CNIH3: variants seen among roughly 807,000 people sequenced by gnomAD.
CNIH3 encodes the protein cornichon family AMPA receptor auxiliary protein 3.
A neutral mutation model predicts 24.1 loss-of-function variants in CNIH3; 14 were observed. The observed-to-expected ratio is 0.58, with a 90% CI of 0.38 to 0.91. CNIH3 has a LOEUF of 0.91. Among genes scored for constraint, CNIH3 ranks in the 40% least tolerant of loss-of-function variants. The pLI, the probability that CNIH3 is intolerant of heterozygous loss-of-function variation, is 0.00. For missense variants in CNIH3, 178 were observed against 196.8 expected (o/e 0.90, Z 0.57); for synonymous variants, 68 against 73.8 (o/e 0.92, Z 0.40).
intron 1 of CNIH3, among the ~76,000 whole-genome samples, chr1:224,448,256 A>AC (rs11426515): frequency 0.28 from 42,809 of 151,980 alleles, 7,504 homozygotes; most frequent in African/African-American, 0.49. Context: ...ACACAAAAAA[A>AC]ATCAGAAATA....
At chr1:224,614,936 CAAAT>C (rs56329135), upstream of CNIH3, among the ~76,000 whole-genome samples, 27,623 of 146,516 alleles carry the variant, frequency 0.19, 2,677 homozygotes, top group East Asian at 0.28. Context: ...GAGACTCCGT[CAAAT>C]AAATAAATAA....
At chr1:224,642,081 A>G (rs956346057) in intron 1 of CNIH3, among the ~76,000 whole-genome samples, 3 of 152,216 alleles carry the variant, frequency 2.0e-5, no homozygotes, top group Admixed American at 1.3e-4. Flanking sequence ...GATTTGTTAC[A>G]TGGTATTTTA....
chr1:224,594,737 C>T (rs928645410), intron 3 of CNIH3, among the ~76,000 whole-genome samples: 8 of 152,186 alleles, frequency 5.3e-5, no homozygotes, highest in Non-Finnish European at 8.8e-5. Context: ...TGCCTGGTAC[C>T]TGGCTCTGGG....
chr1:224,538,591 C>G (rs1007739250), downstream of CNIH3, among the ~76,000 whole-genome samples: 1 of 151,998 alleles, frequency 6.6e-6, no homozygotes, highest in Non-Finnish European at 1.5e-5. Context: ...ACATCGGCCT[C>G]TTTACTACAT....
At chr1:224,522,175 T>C (rs1009000672) in intron 2 of CNIH3, among the ~76,000 whole-genome samples, 1 of 152,032 alleles carries the variant, frequency 6.6e-6, no homozygotes, top group African/African-American at 2.4e-5. Context: ...TGAGTTCCTA[T>C]GAGAAAAAGA....
rs1436019315 is a variant in CNIH3 at position 224,681,118 on chromosome 1, C to A, written c.150+92C>A. On this transcript the variant is annotated intron_variant, in intron 2 of 5. Transcript: ENST00000272133. ...GGTGAGAATGTGAATGATTTGAATG[C>A]GTAAAGAACATGCTCGCCCTCACTG... The A allele has an allele frequency of 2.8e-6, 3 of 1,073,532 alleles. No homozygotes were observed. In the African/African-American group the frequency reaches 4.7e-5, roughly 17 times the overall value. 66.5% of individuals were successfully genotyped at this position (1,073,532 alleles called of 1,614,324 possible).
chr1:224,526,440 C>T (rs1009414881), intron 2 of CNIH3, among the ~76,000 whole-genome samples: 1 of 152,192 alleles, frequency 6.6e-6, no homozygotes, highest in Non-Finnish European at 1.5e-5. Context: ...ATCTGTGAAG[C>T]AGAGAGCTCC....
intron 1 of CNIH3, among the ~76,000 whole-genome samples, chr1:224,510,212 G>C (rs955114947): frequency 6.6e-5 from 10 of 152,184 alleles, no homozygotes; most frequent in Non-Finnish European, 1.2e-4. Flanking sequence ...TTACTGGGAA[G>C]GGGGAGCAGA....
intron 1 of CNIH3, among the ~76,000 whole-genome samples, chr1:224,673,039 C>G (rs1235105560): frequency 6.6e-6 from 1 of 152,190 alleles, no homozygotes; most frequent in Non-Finnish European, 1.5e-5. Flanking sequence ...TTAAATATTG[C>G]CCCTGAACAT....
At chr1:224,628,020 A>G in intron 1 of CNIH3, among the ~76,000 whole-genome samples, 1 of 151,460 alleles carries the variant, frequency 6.6e-6, no homozygotes. Context: ...TGCCTCTGGA[A>G]TGTGTATAGG....
downstream of CNIH3, among the ~76,000 whole-genome samples, chr1:224,542,477 C>T (rs151143139): frequency 2.4e-3 from 359 of 152,182 alleles, no homozygotes; most frequent in African/African-American, 8.2e-3. Context: ...CTTAGGAACA[C>T]GAAATAGAAT....
intron 1 of CNIH3, among the ~76,000 whole-genome samples, chr1:224,510,450 G>A (rs752517238): frequency 6.6e-6 from 1 of 151,944 alleles, no homozygotes; most frequent in South Asian, 2.1e-4. Flanking sequence ...ACAAGGCTGG[G>A]CACATGGCTT....
chr1:224,654,393 A>T (rs911763654), intron 1 of CNIH3, among the ~76,000 whole-genome samples: 3 of 152,220 alleles, frequency 2.0e-5, no homozygotes, highest in Admixed American at 6.5e-5. Context: ...ACAACAACGA[A>T]AAAAAGATTT....
chr1:224,690,329 T>C (rs12092438), intron 3 of CNIH3, among the ~76,000 whole-genome samples: 76,784 of 152,004 alleles, frequency 0.51, 19,832 homozygotes, highest in East Asian at 0.66. Context: ...GCCTCCTGAG[T>C]ACCTGGGACT....
intron 1 of CNIH3, among the ~76,000 whole-genome samples, chr1:224,493,718 C>A (rs186362731): frequency 5.3e-5 from 8 of 152,260 alleles, no homozygotes; most frequent in African/African-American, 1.7e-4. Flanking sequence ...TTCAGTGGTA[C>A]TCCCAAAAGC....
intron 1 of CNIH3, among the ~76,000 whole-genome samples, chr1:224,659,281 C>G (rs918384902): frequency 6.6e-6 from 1 of 152,012 alleles, no homozygotes; most frequent in African/African-American, 2.4e-5. Context: ...GTCAGTGCCC[C>G]GTAACTTAAT....
At chr1:224,732,531 A>G (rs1689392875) in intron 4 of CNIH3, among the ~76,000 whole-genome samples, 1 of 152,132 alleles carries the variant, frequency 6.6e-6, no homozygotes. Flanking sequence ...GGTTAAGTCA[A>G]CTTAACCTGT....
intron 1 of CNIH3, among the ~76,000 whole-genome samples, chr1:224,677,782 T>C (rs951485594): frequency 6.6e-6 from 1 of 152,162 alleles, no homozygotes; most frequent in Non-Finnish European, 1.5e-5. Context: ...AGAGCAGGAC[T>C]GGGGTTGGGG....
chr1:224,634,118 A>G (rs940751710), intron 1 of CNIH3, among the ~76,000 whole-genome samples: 1 of 152,176 alleles, frequency 6.6e-6, no homozygotes, highest in Non-Finnish European at 1.5e-5. Flanking sequence ...GAAAATCTCC[A>G]CTTCTCATGA....
Sources: gnomAD v4.1 joint callset for allele counts (sites outside exome capture counted in the v4.1 genomes callset) on GRCh38, gnomAD v4.1.1 for gene constraint, MANE v1.5 for transcripts, NCBI Gene and HGNC (gene_info 2026-07-23, HGNC 2026-07-21) for gene names.